Variants in PPM1L observed in about 807,000 individuals in gnomAD.
The protein encoded by PPM1L is protein phosphatase 1L.
In PPM1L, 13 loss-of-function variants were observed where a neutral mutation model predicts 31.4. The observed-to-expected ratio is 0.41, with a 90% CI of 0.27 to 0.66. The LOEUF (loss-of-function observed/expected upper bound fraction) is 0.66, where lower values mean the gene tolerates loss of function less well. Among genes scored for constraint, PPM1L ranks in the 30% least tolerant of loss-of-function variants. PPM1L has a pLI of 0.29. For missense variants in PPM1L, 326 were observed against 453.7 expected (o/e 0.72, Z 2.56); for synonymous variants, 184 against 175.4 (o/e 1.05, Z -0.39).
rs560898967 is a variant in PPM1L, at chr3:161,045,468, T to C, written c.575-19935T>C. ...AACTACAACTCAGGATTAAGAAACT[T>C]AATCAAAACCGTTCAACTACATGGA... On this transcript the variant is annotated intron_variant, in intron 2 of 3. Coordinates refer to ENST00000498165, the MANE Select transcript of PPM1L (RefSeq NM_139245.4). Among the ~76,000 whole-genome samples the C allele has an allele frequency of 5.2e-3, 791 of 152,126 alleles. 4 individuals carry two copies. Among genetic ancestry groups the C allele is most frequent in the African/African-American group, 0.018 (758 of 41,404 alleles).
chr3:160,896,675 G>GT (rs1211986380), intron 1 of PPM1L, among the ~76,000 whole-genome samples: 2 of 152,132 alleles, frequency 1.3e-5, no homozygotes, highest in African/African-American at 4.8e-5. Flanking sequence ...AATGATAAGT[G>GT]TTCTTTAAAA....
At chr3:161,034,000 A>T (rs1177493573) in intron 2 of PPM1L, among the ~76,000 whole-genome samples, 1 of 152,178 alleles carries the variant, frequency 6.6e-6, no homozygotes, top group Non-Finnish European at 1.5e-5. Context: ...TTACAAGAAA[A>T]AAGCAAACAA....
At chr3:160,883,203 G>A (rs1396199765) in intron 1 of PPM1L, among the ~76,000 whole-genome samples, 1 of 152,082 alleles carries the variant, frequency 6.6e-6, no homozygotes, top group Non-Finnish European at 1.5e-5. Context: ...GAATAAATTT[G>A]TTGTTATGCA....
intron 1 of PPM1L, among the ~76,000 whole-genome samples, chr3:160,938,242 T>C (rs187382106): frequency 4.6e-5 from 7 of 152,326 alleles, no homozygotes; most frequent in African/African-American, 7.2e-5. Context: ...GCTGGTTCTG[T>C]TAATTCAATA....
At chr3:160,987,746 A>T (rs192854187) in intron 2 of PPM1L, among the ~76,000 whole-genome samples, 360 of 152,368 alleles carry the variant, frequency 2.4e-3, no homozygotes, top group African/African-American at 8.4e-3. Flanking sequence ...ATATGACTTC[A>T]GAATCAGACA....
chr3:161,016,869 A>C (rs1718102406), intron 2 of PPM1L, among the ~76,000 whole-genome samples: 2 of 152,188 alleles, frequency 1.3e-5, no homozygotes, highest in African/African-American at 4.8e-5. Flanking sequence ...TCTTTAAGAG[A>C]AGAATGCTTG....
intron 2 of PPM1L, among the ~76,000 whole-genome samples, chr3:160,973,841 A>C (rs1430466837): frequency 7.9e-6 from 1 of 126,546 alleles, no homozygotes; most frequent in Non-Finnish European, 1.7e-5. Context: ...GAATGATTCT[A>C]TCTAGTTTTT....
chr3:160,766,033 T>C (rs1049208728), intron 1 of PPM1L, among the ~76,000 whole-genome samples: 24 of 152,334 alleles, frequency 1.6e-4, no homozygotes, highest in African/African-American at 5.8e-4. Context: ...TGGCTAGTTA[T>C]AATCTGTTTT....
In PPM1L at chr3:161,074,294, C is replaced by T. The variant is rs139609104; in HGVS notation, c.*5137C>T. ...TTAAGTTTGGCATGTTATCTCTTGC[C>T]TAAAATGTGAGGCCTTCCTGTAGTT... is the stretch of plus-strand genomic sequence containing the variant. On this transcript the variant is annotated 3_prime_UTR_variant, in exon 4 of 4. Coordinates refer to ENST00000498165, the MANE Select transcript of PPM1L (RefSeq NM_139245.4). The T allele has an allele frequency of 1.3e-5, 2 of 152,230 alleles. No individual in the cohort carries two copies. Among genetic ancestry groups the T allele is most frequent in the Non-Finnish European group, 2.9e-5 (2 of 68,018 alleles). 9.4% of individuals were successfully genotyped at this position (152,230 alleles called of 1,614,324 possible).
At chr3:160,864,203 G>A (rs75968016) in intron 1 of PPM1L, among the ~76,000 whole-genome samples, 3,393 of 152,052 alleles carry the variant, frequency 0.022, 136 homozygotes, top group African/African-American at 0.078. Flanking sequence ...TTCTTTTTGA[G>A]ACAGGGTATC....
At chr3:160,867,143 T>TA (rs1165397095) in intron 1 of PPM1L, among the ~76,000 whole-genome samples, 2 of 152,182 alleles carry the variant, frequency 1.3e-5, no homozygotes, top group Non-Finnish European at 2.9e-5. Context: ...CAATTTATCT[T>TA]ACAACTTTTA....
chr3:160,758,544 G>A (rs1714878028), intron 1 of PPM1L, among the ~76,000 whole-genome samples: 1 of 152,142 alleles, frequency 6.6e-6, no homozygotes, highest in Admixed American at 6.6e-5. Context: ...GGTTGTCTGG[G>A]TGTGATGCAT....
At chr3:160,887,543 A>G (rs1308574248) in intron 1 of PPM1L, among the ~76,000 whole-genome samples, 1 of 151,456 alleles carries the variant, frequency 6.6e-6, no homozygotes, top group Non-Finnish European at 1.5e-5. Flanking sequence ...AAACTCTACA[A>G]GCCAGAAGAG....
intron 2 of PPM1L, among the ~76,000 whole-genome samples, chr3:161,009,367 G>C (rs1377271844): frequency 2.0e-5 from 3 of 152,130 alleles, no homozygotes; most frequent in Admixed American, 2.0e-4. Context: ...CATATGAATA[G>C]TTAAAATAAG....
intron 1 of PPM1L, among the ~76,000 whole-genome samples, chr3:160,803,957 G>C (rs1038021375): frequency 1.3e-5 from 2 of 152,094 alleles, no homozygotes; most frequent in Non-Finnish European, 2.9e-5. Flanking sequence ...TCGCTCTGTC[G>C]CCCAGGATGG....
chr3:160,955,548 T>C (rs1715742259), intron 1 of PPM1L, among the ~76,000 whole-genome samples: 1 of 152,196 alleles, frequency 6.6e-6, no homozygotes, highest in South Asian at 2.1e-4. Flanking sequence ...CATATTAAAA[T>C]TGCAGTTTCC....
intron 2 of PPM1L, among the ~76,000 whole-genome samples, chr3:161,009,108 A>G (rs535388005): frequency 5.4e-4 from 82 of 152,338 alleles, no homozygotes; most frequent in African/African-American, 1.9e-3. Context: ...CTCAGAAAAT[A>G]TCCCTTTTTG....
intron 1 of PPM1L, among the ~76,000 whole-genome samples, chr3:160,774,754 C>T (rs1394863846): frequency 6.6e-6 from 1 of 152,182 alleles, no homozygotes; most frequent in Non-Finnish European, 1.5e-5. Context: ...CCCTCGATTT[C>T]CAGCTCTTCC....
intron 1 of PPM1L, among the ~76,000 whole-genome samples, chr3:160,899,757 A>G (rs1713476461): frequency 6.6e-6 from 1 of 152,198 alleles, no homozygotes; most frequent in African/African-American, 2.4e-5. Context: ...TTAGTTTATG[A>G]ATTTATTAAG....
Sources: gnomAD v4.1 joint callset for allele counts (sites outside exome capture counted in the v4.1 genomes callset) on GRCh38, gnomAD v4.1.1 for gene constraint, MANE v1.5 for transcripts, NCBI Gene and HGNC (gene_info 2026-07-23, HGNC 2026-07-21) for gene names.